The following EVL variants were observed in gnomAD, a reference collection of about 807,000 sequenced individuals.
The protein encoded by EVL is Enah/Vasp-like.
A neutral mutation model predicts 59.6 loss-of-function variants in EVL; 21 were observed. The ratio of observed to expected loss-of-function variants is 0.35; its 90% CI spans 0.25 to 0.51. The LOEUF (loss-of-function observed/expected upper bound fraction) is 0.51. Among genes scored for constraint, EVL ranks in the 20% least tolerant of loss-of-function variants. The pLI is 0.97. For missense variants in EVL, 462 were observed against 546.6 expected (o/e 0.85, Z 1.54); for synonymous variants, 198 against 203.5 (o/e 0.97, Z 0.23).
intron 1 of EVL, among the ~76,000 whole-genome samples, chr14:100,047,757 T>A (rs1009303137): frequency 6.6e-6 from 1 of 152,192 alleles, no homozygotes; most frequent in African/African-American, 2.4e-5. Flanking sequence ...AGCCTGGTGT[T>A]TTTACAAGTT....
At chr14:100,124,508 T>C (rs192709374) in intron 4 of EVL, among the ~76,000 whole-genome samples, 65 of 152,320 alleles carry the variant, frequency 4.3e-4, no homozygotes, top group African/African-American at 1.5e-3. Flanking sequence ...CCCACCTGTC[T>C]CACCCACTCA....
intron 1 of EVL, among the ~76,000 whole-genome samples, chr14:99,973,037 G>A (rs182714399): frequency 0.013 from 2,047 of 151,852 alleles, 61 homozygotes; most frequent in African/African-American, 0.047. Context: ...CACAGTGTAC[G>A]CATTCTACTG....
chr14:100,133,203 C>A (rs1888550621), intron 8 of EVL, among the ~76,000 whole-genome samples: 1 of 152,208 alleles, frequency 6.6e-6, no homozygotes, highest in Non-Finnish European at 1.5e-5. Context: ...ACTCCTCTTC[C>A]AGCAGGAGCT....
intron 11 of EVL, chr14:100,139,742 G>C (rs1483709188): frequency 2.6e-5 from 4 of 152,264 alleles, no homozygotes; most frequent in Admixed American, 2.6e-4. Context: ...CAGCAGCCAA[G>C]GCTGGCCCTG....
chr14:100,128,856 C>A, intron 6 of EVL, 108 bp downstream of exon 6: 1 of 972,732 alleles, frequency 1.0e-6, no homozygotes, highest in South Asian at 1.5e-5. Flanking sequence ...AAACTGCTTC[C>A]CTGCCCAAAG....
chr14:100,115,329 T>C (rs771371469), intron 3 of EVL, among the ~76,000 whole-genome samples: 7 of 152,218 alleles, frequency 4.6e-5, no homozygotes, highest in Non-Finnish European at 1.0e-4. Flanking sequence ...GGCAAGCCCC[T>C]GCCCTTTCCC....
At chr14:100,081,450 G>C (rs921872855) in intron 1 of EVL, among the ~76,000 whole-genome samples, 2 of 151,694 alleles carry the variant, frequency 1.3e-5, no homozygotes, top group Non-Finnish European at 2.9e-5. Flanking sequence ...TTCAAAGGGT[G>C]GGGGGAAACC....
intron 1 of EVL, among the ~76,000 whole-genome samples, chr14:100,030,731 A>G (rs2061301545): frequency 6.6e-6 from 1 of 152,244 alleles, no homozygotes; most frequent in Non-Finnish European, 1.5e-5. Context: ...TGAGAGATTA[A>G]TAAGTTCCTT....
Position 100,065,442 on chromosome 14 carries a change from G to A in EVL, c.-59G>A. 1.4e-6 allele frequency: 2 copies of A among 1,393,988 alleles called. No homozygotes were observed. Among genetic ancestry groups the A allele is most frequent in the Non-Finnish European group, 1.9e-6 (2 of 1,057,244 alleles). The allele number at this position is 1,393,988 out of a possible 1,614,324, so 86.4% of individuals were successfully genotyped here. On this transcript the variant is annotated 5_prime_UTR_variant, in exon 1 of 14. Coordinates refer to ENST00000392920, the MANE Select transcript of EVL (RefSeq NM_016337.3). ...GGTCTGTGGTCCTCTGATCAACATA[G>A]GCTGGTGGGAGTACAGGACTCGCCT...
chr14:100,018,605 C>T (rs1457111200), intron 1 of EVL, among the ~76,000 whole-genome samples: 1 of 152,156 alleles, frequency 6.6e-6, no homozygotes. Flanking sequence ...TGAGGGCACA[C>T]CCAGGCTGCG....
At chr14:99,985,487 G>A (rs1400048633) in intron 1 of EVL, among the ~76,000 whole-genome samples, 1 of 152,070 alleles carries the variant, frequency 6.6e-6, no homozygotes, top group Non-Finnish European at 1.5e-5. Context: ...CTTGGTCTTG[G>A]CCAGGCGTGG....
intron 1 of EVL, among the ~76,000 whole-genome samples, chr14:100,007,774 G>GGAGA (rs369729182): frequency 3.9e-4 from 58 of 150,390 alleles, no homozygotes; most frequent in South Asian, 1.3e-3. Flanking sequence ...CAGAGAGAGA[G>GGAGA]GAGAGAGAGA....
Position 100,135,986 on chromosome 14 carries a change from G to A in EVL, c.964+18G>A, listed in dbSNP as rs764364821. 9.3e-6 allele frequency: 15 copies of A among 1,612,812 alleles called. No homozygotes were observed. The highest frequency in any genetic ancestry group is 5.3e-5 in the African/African-American group (4 of 74,916). On this transcript the variant is annotated intron_variant, in intron 9 of 13. Coordinates refer to ENST00000392920, the MANE Select transcript of EVL (RefSeq NM_016337.3). ...CTCCTCAGGTGAGAGGGCGCCCCCC[G>A]CTGACCCCAGTGAGGCATGAGGTCT...
At chr14:100,069,964 C>T (rs1438498567) in intron 1 of EVL, among the ~76,000 whole-genome samples, 2 of 151,396 alleles carry the variant, frequency 1.3e-5, no homozygotes, top group African/African-American at 4.9e-5. Context: ...TGGTGGCTCA[C>T]TCCTGTAATC....
At chr14:100,000,468 C>T (rs1048014393) in intron 1 of EVL, among the ~76,000 whole-genome samples, 1 of 151,872 alleles carries the variant, frequency 6.6e-6, no homozygotes, top group Non-Finnish European at 1.5e-5. Flanking sequence ...CTGCCTCAGC[C>T]TCCCGAGCAG....
intron 1 of EVL, among the ~76,000 whole-genome samples, chr14:100,076,428 C>A (rs184405556): frequency 7.0e-4 from 106 of 152,276 alleles, no homozygotes; most frequent in African/African-American, 2.5e-3. Flanking sequence ...GAGAAGTCTG[C>A]CTAAAAGAAA....
chr14:100,116,238 G>C (rs1443213881), intron 3 of EVL, among the ~76,000 whole-genome samples: 1 of 152,246 alleles, frequency 6.6e-6, no homozygotes, highest in African/African-American at 2.4e-5. Flanking sequence ...TCTGGAAAGA[G>C]GGAAAGGAGC....
chr14:100,031,175 T>C (rs1384671919), intron 1 of EVL, among the ~76,000 whole-genome samples: 3 of 152,182 alleles, frequency 2.0e-5, no homozygotes, highest in Non-Finnish European at 4.4e-5. Context: ...GGAAGGCCCA[T>C]TGCAATCTAA....
chr14:100,035,338 G>GTTTTTTTT (rs33999027), intron 1 of EVL, among the ~76,000 whole-genome samples: 1 of 149,080 alleles, frequency 6.7e-6, no homozygotes. Context: ...CAGTGTATGT[G>GTTTTTTTT]TTTTTTTTTC....
Sources: allele counts gnomAD v4.1 joint callset (sites outside exome capture counted in the v4.1 genomes callset), GRCh38; gene constraint gnomAD v4.1.1; transcripts MANE v1.5; gene names NCBI Gene and HGNC (gene_info 2026-07-23, HGNC 2026-07-21).